TENT2: variants seen among roughly 807,000 people sequenced by gnomAD.
TENT2 encodes poly(A) RNA polymerase GLD2.
In TENT2, 44 loss-of-function variants were observed where a neutral mutation model predicts 72.2. That is an observed-to-expected ratio of 0.61 (90% CI 0.48 to 0.78). The LOEUF (loss-of-function observed/expected upper bound fraction) is 0.78, where lower values mean the gene tolerates loss of function less well. Among genes scored for constraint, TENT2 ranks in the 30% least tolerant of loss-of-function variants. The pLI is 0.00. For missense variants in TENT2, 541 were observed against 569.6 expected, an observed-to-expected ratio of 0.95 and a Z score of 0.51; for synonymous variants, 212 against 192.5, an observed-to-expected ratio of 1.10 and a Z score of -0.84.
chr5:79,619,849 C>T (rs190390163), intron 2 of TENT2, 64 bp downstream of exon 2: 3 of 1,543,118 alleles, frequency 1.9e-6, no homozygotes, highest in African/African-American at 1.4e-5. Flanking sequence ...GACATAAACC[C>T]TTTTTGTATG....
chr5:79,678,784 A>G (rs1055193126), intron 12 of TENT2, among the ~76,000 whole-genome samples: 1 of 152,262 alleles, frequency 6.6e-6, no homozygotes, highest in African/African-American at 2.4e-5. Context: ...AAAACTATTT[A>G]ATAACACAAG....
intron 7 of TENT2, among the ~76,000 whole-genome samples, chr5:79,644,000 T>G (rs1786584411): frequency 6.6e-6 from 1 of 151,660 alleles, no homozygotes; most frequent in Non-Finnish European, 1.5e-5. Flanking sequence ...TTTTTTTTTT[T>G]GAGACAGAGT....
intron 4 of TENT2, among the ~76,000 whole-genome samples, chr5:79,639,906 C>T (rs893404028): frequency 6.6e-6 from 1 of 152,034 alleles, no homozygotes; most frequent in Non-Finnish European, 1.5e-5. Context: ...GGGAAATCAC[C>T]TATGTTGATG....
At chr5:79,645,982 G>A (rs1234125621) in intron 8 of TENT2, among the ~76,000 whole-genome samples, 1 of 152,160 alleles carries the variant, frequency 6.6e-6, no homozygotes, top group African/African-American at 2.4e-5. Flanking sequence ...GACATACACA[G>A]AGTAATGAAA....
intron 10 of TENT2, among the ~76,000 whole-genome samples, chr5:79,656,288 A>C (rs1403213191): frequency 1.3e-5 from 2 of 151,990 alleles, no homozygotes; most frequent in Non-Finnish European, 2.9e-5. Flanking sequence ...GGATGACACA[A>C]ATATGGTGAT....
intron 4 of TENT2, among the ~76,000 whole-genome samples, chr5:79,626,273 C>CTA (rs1769753840): frequency 6.7e-6 from 1 of 149,910 alleles, no homozygotes; most frequent in African/African-American, 2.5e-5. Flanking sequence ...GTAGCTGGGA[C>CTA]TATCGATAGG....
At chr5:79,614,695 T>A (rs921821083) in intron 1 of TENT2, among the ~76,000 whole-genome samples, 1 of 152,210 alleles carries the variant, frequency 6.6e-6, no homozygotes, top group African/African-American at 2.4e-5. Context: ...AAGAAACCTT[T>A]CATTCAGAGT....
At chr5:79,657,798 A>C (rs1798968266) in intron 11 of TENT2, among the ~76,000 whole-genome samples, 1 of 152,160 alleles carries the variant, frequency 6.6e-6, no homozygotes, top group Admixed American at 6.6e-5. Context: ...TACTCTTCTG[A>C]AACCACGTAA....
At chr5:79,676,730 G>A (rs1817636431) in intron 12 of TENT2, among the ~76,000 whole-genome samples, 1 of 152,166 alleles carries the variant, frequency 6.6e-6, no homozygotes, top group Admixed American at 6.5e-5. Flanking sequence ...TGTATTATCA[G>A]TGTATTTTAG....
intron 12 of TENT2, among the ~76,000 whole-genome samples, chr5:79,673,959 G>A (rs1815075753): frequency 6.6e-6 from 1 of 152,116 alleles, no homozygotes. Flanking sequence ...CAGTTAAGAA[G>A]TTTACAGGAA....
chr5:79,639,429 T>C (rs1782670083), intron 4 of TENT2, among the ~76,000 whole-genome samples: 1 of 152,098 alleles, frequency 6.6e-6, no homozygotes, highest in African/African-American at 2.4e-5. Context: ...TTTAATTTTT[T>C]TTTCAGTTTT....
chr5:79,656,617 T>C (rs1798156825), intron 10 of TENT2, among the ~76,000 whole-genome samples: 1 of 152,010 alleles, frequency 6.6e-6, no homozygotes, highest in African/African-American at 2.4e-5. Context: ...GTCTATTCAG[T>C]ATCTGTAGAG....
At chr5:79,641,222 G>A in intron 6 of TENT2, 26 bp downstream of exon 6, 1 of 1,507,026 alleles carries the variant, frequency 6.6e-7, no homozygotes, top group Admixed American at 2.5e-5. Context: ...TTTATTCCAA[G>A]TGTGTTTCTC....
At chr5:79,651,599 C>G (rs1359635457) in intron 10 of TENT2, among the ~76,000 whole-genome samples, 1 of 151,988 alleles carries the variant, frequency 6.6e-6, no homozygotes, top group Non-Finnish European at 1.5e-5. Flanking sequence ...CACACACACA[C>G]ATTTTGATTT....
chr5:79,641,258 A>G (rs1157169799), intron 6 of TENT2, 62 bp downstream of exon 6: 25 of 1,392,568 alleles, frequency 1.8e-5, no homozygotes, highest in Admixed American at 7.9e-5. Context: ...GAAATTTTAC[A>G]TAAAAGTCAT....
chr5:79,659,531 CAAAAAA>C (rs1291285987), intron 11 of TENT2, among the ~76,000 whole-genome samples: 10 of 8,976 alleles, frequency 1.1e-3, no homozygotes, highest in Admixed American at 4.5e-3. Flanking sequence ...GACTCTGTCT[CAAAAAA>C]AAAAAAAAAA....
intron 13 of TENT2, among the ~76,000 whole-genome samples, chr5:79,680,244 A>G (rs1328384602): frequency 6.6e-6 from 1 of 152,214 alleles, no homozygotes; most frequent in Non-Finnish European, 1.5e-5. Context: ...ATAGTTGAGA[A>G]TCAGCATTTG....
At chr5:79,622,924 T>C (rs2149997319) in intron 3 of TENT2, among the ~76,000 whole-genome samples, 1 of 152,322 alleles carries the variant, frequency 6.6e-6, no homozygotes, top group East Asian at 1.9e-4. Context: ...AGTTTGGATC[T>C]TCTTAGTAAT....
At chr5:79,658,731 G>C (rs1337730164) in intron 11 of TENT2, among the ~76,000 whole-genome samples, 1 of 152,136 alleles carries the variant, frequency 6.6e-6, no homozygotes, top group Non-Finnish European at 1.5e-5. Flanking sequence ...GCTACATGAA[G>C]CTCTTTTTAC....
Sources: allele counts gnomAD v4.1 joint callset (sites outside exome capture counted in the v4.1 genomes callset), GRCh38; gene constraint gnomAD v4.1.1; transcripts MANE v1.5; gene names NCBI Gene and HGNC (gene_info 2026-07-23, HGNC 2026-07-21).